Variants in NAALADL2 observed in about 807,000 individuals in gnomAD.
NAALADL2 encodes the protein N-acetylated alpha-linked acidic dipeptidase like 2.
A neutral mutation model predicts 87.2 loss-of-function variants in NAALADL2; 76 were observed. The observed-to-expected ratio is 0.87, with a 90% CI of 0.72 to 1.05. The LOEUF is 1.05. Among genes scored for constraint, NAALADL2 ranks in the 50% least tolerant of loss-of-function variants. The pLI is 0.00. For synonymous variants in NAALADL2, 354 were observed against 331.0 expected (o/e 1.07, Z -0.75); for missense variants, 1,089 against 945.8 (o/e 1.15, Z -1.99).
intron 11 of NAALADL2, among the ~76,000 whole-genome samples, chr3:175,700,614 G>A (rs961006969): frequency 5.3e-5 from 8 of 152,040 alleles, no homozygotes; most frequent in African/African-American, 1.9e-4. Context: ...CTTACAGGAG[G>A]CTGTATGAAA....
At chr3:175,452,591 G>A (rs761965089) in intron 6 of NAALADL2, among the ~76,000 whole-genome samples, 20 of 152,062 alleles carry the variant, frequency 1.3e-4, no homozygotes, top group Non-Finnish European at 2.1e-4. Flanking sequence ...TTCTTTATCT[G>A]AATAATTCAG....
At chr3:174,977,561 C>T (rs1333378008) in intron 1 of NAALADL2, among the ~76,000 whole-genome samples, 4 of 152,162 alleles carry the variant, frequency 2.6e-5, no homozygotes, top group Non-Finnish European at 4.4e-5. Context: ...CAGAGAATTT[C>T]AGCTTGATTT....
At chr3:174,810,244 G>T (rs1359330711) in intron 3 of NAALADL2, among the ~76,000 whole-genome samples, 1 of 152,148 alleles carries the variant, frequency 6.6e-6, no homozygotes, top group East Asian at 1.9e-4. Flanking sequence ...GCTGGGTAAT[G>T]GACAGAGGGT....
intron 9 of NAALADL2, among the ~76,000 whole-genome samples, chr3:175,517,660 C>T (rs915362060): frequency 6.6e-6 from 1 of 151,980 alleles, no homozygotes; most frequent in Non-Finnish European, 1.5e-5. Flanking sequence ...GTGGTAAATC[C>T]TCGAGGTTCA....
At chr3:175,312,821 A>G (rs1288794142) in intron 4 of NAALADL2, among the ~76,000 whole-genome samples, 1 of 152,214 alleles carries the variant, frequency 6.6e-6, no homozygotes, top group Admixed American at 6.5e-5. Flanking sequence ...CACATGGGAA[A>G]TATACAGTTA....
At chr3:175,192,544 G>A (rs1738365800) in intron 2 of NAALADL2, among the ~76,000 whole-genome samples, 2 of 151,888 alleles carry the variant, frequency 1.3e-5, no homozygotes, top group South Asian at 4.2e-4. Context: ...TCACAATGTA[G>A]AGAGCATTCA....
intron 1 of NAALADL2, among the ~76,000 whole-genome samples, chr3:174,460,521 A>G (rs1716147405): frequency 6.6e-6 from 1 of 152,074 alleles, no homozygotes; most frequent in East Asian, 1.9e-4. Flanking sequence ...AAGAAATAGA[A>G]AAACAAAACA....
chr3:175,467,806 A>G (rs1724307916), intron 8 of NAALADL2, among the ~76,000 whole-genome samples: 1 of 152,104 alleles, frequency 6.6e-6, no homozygotes, highest in Non-Finnish European at 1.5e-5. Context: ...TTAGAATACA[A>G]CTGAAATATT....
intron 4 of NAALADL2, among the ~76,000 whole-genome samples, chr3:175,294,476 A>G (rs943396632): frequency 5.3e-5 from 8 of 152,182 alleles, no homozygotes; most frequent in Non-Finnish European, 8.8e-5. Context: ...TGTCCTAAAT[A>G]TGCACTTCCC....
chr3:175,437,961 G>A lies in NAALADL2; in HGVS notation c.1091-9268G>A, dbSNP rs76641100. On this transcript the variant is annotated intron_variant, in intron 5 of 13. Transcript: ENST00000454872. ...TATTTACTAGGGAGCATAGCAAGAT[G>A]TTTTTGCTTAGGGGTGGACCAATGA... is the stretch of plus-strand genomic sequence containing the variant. Among the ~76,000 whole-genome samples, 366 of 152,126 alleles carry A rather than the reference G, an allele frequency of 2.4e-3. 1 individual carries two copies. The highest frequency in any genetic ancestry group is 8.6e-3 in the African/African-American group (356 of 41,532).
In NAALADL2 at chr3:175,438,834, T is replaced by G. The variant is rs576095113; in HGVS notation, c.1091-8395T>G. Among the ~76,000 whole-genome samples the G allele has an allele frequency of 7.3e-5, 11 of 151,394 alleles. No individual in the cohort carries two copies. The South Asian group carries it at 2.3e-3, about 31-fold the overall frequency. On this transcript the variant is annotated intron_variant, in intron 5 of 13. Transcript: ENST00000454872. ...TGCTCTCTGACCATCTGATTATTCATTTATTTATGTATTTATGTATTTATT... is the reference window on the plus strand; with the variant it reads ...TGCTCTCTGACCATCTGATTATTCAGTTATTTATGTATTTATGTATTTATT...
At chr3:174,666,189 TGTAA>T (rs1725939692) in intron 2 of NAALADL2, among the ~76,000 whole-genome samples, 1 of 152,294 alleles carries the variant, frequency 6.6e-6, no homozygotes, top group South Asian at 2.1e-4. Flanking sequence ...TAAAATAGCA[TGTAA>T]GTATCAGATA....
intron 3 of NAALADL2, among the ~76,000 whole-genome samples, chr3:174,833,449 T>G (rs1270690570): frequency 6.6e-6 from 1 of 152,140 alleles, no homozygotes; most frequent in Admixed American, 6.6e-5. Flanking sequence ...CAGGCTTAGA[T>G]GGCTTCACTA....
At chr3:175,205,679 G>T (rs892744669) in intron 2 of NAALADL2, among the ~76,000 whole-genome samples, 1 of 151,970 alleles carries the variant, frequency 6.6e-6, no homozygotes, top group African/African-American at 2.4e-5. Context: ...TTGGGAGAAA[G>T]TCTTCACAAT....
At chr3:174,504,080 C>A (rs1719060814) in intron 1 of NAALADL2, among the ~76,000 whole-genome samples, 1 of 152,024 alleles carries the variant, frequency 6.6e-6, no homozygotes, top group African/African-American at 2.4e-5. Flanking sequence ...CTGTTAAATT[C>A]TCAGGTATTG....
intron 1 of NAALADL2, among the ~76,000 whole-genome samples, chr3:174,545,552 C>T (rs1288948497): frequency 1.3e-5 from 2 of 152,126 alleles, no homozygotes; most frequent in Non-Finnish European, 2.9e-5. Flanking sequence ...TTTGACAAAT[C>T]GGAGTCCATG....
At chr3:174,616,916 T>A (rs1720518171) in intron 2 of NAALADL2, among the ~76,000 whole-genome samples, 1 of 151,890 alleles carries the variant, frequency 6.6e-6, no homozygotes, top group Admixed American at 6.6e-5. Flanking sequence ...TTATGTATAC[T>A]TATATATACC....
chr3:174,826,028 AAACAAC>A (rs71624294), intron 3 of NAALADL2, among the ~76,000 whole-genome samples: 1,984 of 150,560 alleles, frequency 0.013, 48 homozygotes, highest in African/African-American at 0.046. Context: ...ACTCCATCTC[AAACAAC>A]AACAACAACA....
At chr3:174,665,287 C>A (rs531838) in intron 2 of NAALADL2, among the ~76,000 whole-genome samples, 98,193 of 151,994 alleles carry the variant, frequency 0.65, 32,378 homozygotes, top group Admixed American at 0.73. Context: ...AGATTTCTAA[C>A]GTAGAGGTAA....
Sources: allele counts gnomAD v4.1 joint callset (sites outside exome capture counted in the v4.1 genomes callset), GRCh38; gene constraint gnomAD v4.1.1; transcripts MANE v1.5; gene names NCBI Gene and HGNC (gene_info 2026-07-23, HGNC 2026-07-21).